The following MDFIC variants were observed in gnomAD, a reference collection of about 807,000 sequenced individuals.
MDFIC encodes MyoD family inhibitor domain containing.
MDFIC carries 17 observed loss-of-function variants against 23.2 expected under a neutral mutation model. That is an observed-to-expected ratio of 0.73 (90% confidence interval 0.50 to 1.10). The LOEUF is 1.10. Ranked by LOEUF, MDFIC falls within the 50% of genes least tolerant of loss-of-function variation. The pLI, the probability that MDFIC is intolerant of heterozygous loss-of-function variation, is 0.00. For synonymous variants in MDFIC, 120 were observed against 115.2 expected, an observed-to-expected ratio of 1.04 and a Z score of -0.27; for missense variants, 356 against 316.6, an observed-to-expected ratio of 1.12 and a Z score of -0.95.
chr7:114,978,554 A>G (rs954959922), intron 3 of MDFIC, among the ~76,000 whole-genome samples: 1 of 151,316 alleles, frequency 6.6e-6, no homozygotes, highest in Admixed American at 6.6e-5. Context: ...GTGAAGAGTT[A>G]TTTTTCTTGT....
chr7:114,953,937 T>C (rs764377287), intron 3 of MDFIC, among the ~76,000 whole-genome samples: 1 of 152,186 alleles, frequency 6.6e-6, no homozygotes, highest in African/African-American at 2.4e-5. Flanking sequence ...TTTCTCCCCC[T>C]GCTGGATATT....
intron 4 of MDFIC, 23 bp downstream of exon 4, chr7:114,979,804 T>C: frequency 1.2e-6 from 2 of 1,605,200 alleles, no homozygotes; most frequent in Non-Finnish European, 1.7e-6. Context: ...TATATGTAGA[T>C]TTTATTTGAC....
chr7:114,947,616 G>A (rs1792672191), intron 3 of MDFIC, among the ~76,000 whole-genome samples: 1 of 152,238 alleles, frequency 6.6e-6, no homozygotes, highest in Middle Eastern at 3.4e-3. Context: ...CAGAAGCTGG[G>A]GAGAACCATT....
intron 4 of MDFIC, among the ~76,000 whole-genome samples, chr7:114,989,374 C>G (rs1390694725): frequency 2.6e-5 from 4 of 152,030 alleles, no homozygotes; most frequent in Non-Finnish European, 5.9e-5. Flanking sequence ...AATGTGTAAA[C>G]AGTTCTAGAA....
chr7:114,937,234 C>T (rs1792442938), intron 2 of MDFIC, among the ~76,000 whole-genome samples: 1 of 152,130 alleles, frequency 6.6e-6, no homozygotes, highest in African/African-American at 2.4e-5. Context: ...TCATGCCCTT[C>T]TTTAGAAACA....
chr7:114,976,256 C>T (rs553932458), intron 3 of MDFIC, among the ~76,000 whole-genome samples: 1 of 152,118 alleles, frequency 6.6e-6, no homozygotes, highest in East Asian at 1.9e-4. Context: ...GGAGTCTCCC[C>T]AGCTTTGGTC....
At chr7:114,923,693 C>T in intron 2 of MDFIC, 2 of 1,383,094 alleles carry the variant, frequency 1.4e-6, no homozygotes, top group Non-Finnish European at 1.9e-6. Flanking sequence ...TTGTGTTCTT[C>T]CAAAGTGTAA....
chr7:114,992,928 C>T (rs1435141777), intron 4 of MDFIC, among the ~76,000 whole-genome samples: 2 of 152,226 alleles, frequency 1.3e-5, no homozygotes, highest in East Asian at 3.8e-4. Context: ...GGAATGGCAG[C>T]AGCTCCTCCT....
chr7:114,987,955 C>A (rs1429989491), intron 4 of MDFIC, among the ~76,000 whole-genome samples: 2 of 151,958 alleles, frequency 1.3e-5, no homozygotes, highest in East Asian at 3.9e-4. Flanking sequence ...TGGTGAGGAG[C>A]AAAGAAACTA....
intron 2 of MDFIC, among the ~76,000 whole-genome samples, chr7:114,939,830 A>G (rs1287739306): frequency 1.3e-5 from 2 of 152,224 alleles, no homozygotes; most frequent in African/African-American, 4.8e-5. Flanking sequence ...GCTCAAAATT[A>G]TATAATTAAT....
At chr7:114,974,779 T>C (rs1350470155) in intron 3 of MDFIC, among the ~76,000 whole-genome samples, 1 of 152,106 alleles carries the variant, frequency 6.6e-6, no homozygotes, top group East Asian at 1.9e-4. Flanking sequence ...TTATTCTTAT[T>C]GAAAATCGCT....
At chr7:114,962,976 A>G (rs1793024718) in intron 3 of MDFIC, among the ~76,000 whole-genome samples, 1 of 152,234 alleles carries the variant, frequency 6.6e-6, no homozygotes, top group Non-Finnish European at 1.5e-5. Context: ...TTTCTTGGAA[A>G]GTAATTAAAG....
chr7:115,012,816 A>G (rs1412207664), intron 4 of MDFIC, among the ~76,000 whole-genome samples: 1 of 152,002 alleles, frequency 6.6e-6, no homozygotes, highest in Non-Finnish European at 1.5e-5. Flanking sequence ...CATCTCTACT[A>G]AAAATACAAA....
intron 4 of MDFIC, chr7:115,014,573 G>A: frequency 8.3e-7 from 1 of 1,200,418 alleles, no homozygotes; most frequent in Non-Finnish European, 1.1e-6. Flanking sequence ...GCTATTGTAG[G>A]TTGTGGAATC....
chr7:114,977,119 A>G (rs12671855), intron 3 of MDFIC, among the ~76,000 whole-genome samples: 1 of 152,122 alleles, frequency 6.6e-6, no homozygotes, highest in African/African-American at 2.4e-5. Flanking sequence ...TTCACAATGA[A>G]TGTTTTTTGT....
At chr7:114,972,795 T>G (rs1183022506) in intron 3 of MDFIC, among the ~76,000 whole-genome samples, 2 of 152,014 alleles carry the variant, frequency 1.3e-5, no homozygotes, top group African/African-American at 4.8e-5. Context: ...ATTTTTTATT[T>G]TTTGTAGAAA....
chr7:114,989,171 A>G (rs1793561505), intron 4 of MDFIC, among the ~76,000 whole-genome samples: 1 of 152,184 alleles, frequency 6.6e-6, no homozygotes, highest in Non-Finnish European at 1.5e-5. Flanking sequence ...GACTGGAGAT[A>G]ATGATATCAT....
At chr7:114,947,032 A>C (rs1792660182) in intron 3 of MDFIC, among the ~76,000 whole-genome samples, 1 of 152,180 alleles carries the variant, frequency 6.6e-6, no homozygotes, top group African/African-American at 2.4e-5. Flanking sequence ...AAGAGCATTA[A>C]GAGGTTTGTA....
intron 4 of MDFIC, among the ~76,000 whole-genome samples, chr7:114,994,534 G>T (rs1186787220): frequency 2.0e-5 from 3 of 152,130 alleles, no homozygotes; most frequent in East Asian, 1.9e-4. Context: ...AGCTCTTTTA[G>T]GGCAGGCCTG....
Sources: allele counts gnomAD v4.1 joint callset (sites outside exome capture counted in the v4.1 genomes callset), GRCh38; gene constraint gnomAD v4.1.1; transcripts MANE v1.5; gene names NCBI Gene and HGNC (gene_info 2026-07-23, HGNC 2026-07-21).